Variants in VPS4A observed in about 807,000 individuals in gnomAD.
The protein encoded by VPS4A is vacuolar protein sorting-associated protein 4A.
VPS4A carries 20 observed loss-of-function variants against 52.3 expected under a neutral mutation model. The observed-to-expected ratio is 0.38, with a 90% CI of 0.27 to 0.56. VPS4A has a LOEUF of 0.56. VPS4A is among the 20% of genes least tolerant of loss of function. The probability of loss-of-function intolerance (pLI) is 0.72; values close to 1 mark genes in which losing one functional copy is unlikely to be tolerated. For synonymous variants in VPS4A, 293 were observed against 227.7 expected, an observed-to-expected ratio of 1.29 and a Z score of -2.58; for missense variants, 419 against 575.9, an observed-to-expected ratio of 0.73 and a Z score of 2.79.
At chr16:69,322,407 C>T (rs1229089066) in intron 9 of VPS4A, 153 bp from the exon 10 acceptor site, 21 of 744,318 alleles carry the variant, frequency 2.8e-5, no homozygotes, top group East Asian at 5.8e-5. Flanking sequence ...ATGAGTCGCT[C>T]GGACCACCCA....
In VPS4A at chr16:69,311,905, C is replaced by T. The variant is rs1032778944; in HGVS notation, c.21+373C>T. 5.9e-5 allele frequency among the ~76,000 whole-genome samples: 9 copies of T among 152,094 alleles called. No individual in the cohort carries two copies. In the East Asian group the frequency reaches 1.5e-3, roughly 26 times the overall value. On this transcript the variant is annotated intron_variant, in intron 1 of 10. Coordinates refer to ENST00000254950, the MANE Select transcript of VPS4A (RefSeq NM_013245.3). The stretch of plus-strand genomic sequence containing the variant: ...TCGCTCCCTCCTCTCCTGTCTCGCT[C>T]CCTCCTCTCCTGTCCCGGGTCCTGG...
rs568729737 is a variant in VPS4A, at chr16:69,320,698, T to C, written c.780T>C (p.Asn260=). The C allele has an allele frequency of 3.1e-6, 5 of 1,605,238 alleles. No homozygotes were observed. The African/African-American group carries it at 6.7e-5, about 21-fold the overall frequency. Residue 260 remains asparagine, a synonymous_variant, in exon 8 of 11, where the codon AAT becomes AAC. Coordinates refer to ENST00000254950, the MANE Select transcript of VPS4A (RefSeq NM_013245.3). The surrounding 1 kb of genome is among the most constrained non-coding windows in gnomAD (Gnocchi z 4.2). The part of the protein sequence containing the change: ...EFLVQMQGVG[N]NNDGTLVLGA... ...TCCCTTTCTCCACAGGGGTGGGGAA[T>C]AACAATGATGGGACTCTGGTTCTTG...
In VPS4A at chr16:69,321,123, G is replaced by A. The variant is rs1413506555; in HGVS notation, c.924G>A (p.Gly308=). 6.3e-7 allele frequency: 1 copy of A among 1,594,710 alleles called. No individual in the cohort carries two copies. The highest frequency in any genetic ancestry group is 2.3e-5 in the East Asian group (1 of 43,710). Residue 308 remains glycine (G), a synonymous_variant, in exon 9 of 11, where the codon GGG becomes GGA. Transcript: ENST00000254950. This position sits in a 1 kb window ranked among gnomAD's most constrained non-coding sequence, Gnocchi z 4.5. The part of the protein sequence containing the change: ...ARAQMFRLHL[G]STPHNLTDAN... The stretch of plus-strand genomic sequence containing the variant: ...CCCAGATGTTCCGGTTGCATCTCGG[G>A]AGCACTCCCCACAACCTCACGGATG...
rs1273894687 is a variant in VPS4A at position 69,324,261 on chromosome 16, C to T, written c.1266C>T (p.Asp422=). ...CCCGGCCCACGGTGAATGCAGACGA[C>T]CTCCTGAAAGTGAAGAAATTCTCAG... is the stretch of plus-strand genomic sequence containing the variant. The part of the protein sequence containing the change: ...ATTRPTVNAD[D]LLKVKKFSED... The change falls in exon 11 of 11, where the codon GAC becomes GAT. Residue 422 remains aspartate, a synonymous_variant. Coordinates refer to ENST00000254950, the MANE Select transcript of VPS4A (RefSeq NM_013245.3). The T allele has an allele frequency of 1.2e-6, 2 of 1,613,956 alleles. No homozygotes were observed. The highest frequency in any genetic ancestry group is 2.2e-5 in the South Asian group (2 of 91,038).
At chr16:69,315,546 CA>C (rs1231471585) in intron 1 of VPS4A, among the ~76,000 whole-genome samples, 1 of 152,206 alleles carries the variant, frequency 6.6e-6, no homozygotes, top group Non-Finnish European at 1.5e-5. Context: ...GCAGTCCGGG[CA>C]GGACTTTCCT....
Position 69,322,418 on chromosome 16 carries a change from G to T in VPS4A, c.1072-142G>T. ...AATCATGAGTCGCTCGGACCACCCA[G>T]CCCGAGTTCTGAAGGAGCCCGTCCT... On this transcript the variant is annotated intron_variant, in intron 9 of 10. Transcript: ENST00000254950. 2.3e-6 allele frequency: 2 copies of T among 881,974 alleles called. 1 individual carries two copies. Among genetic ancestry groups the T allele is most frequent in the East Asian group, 5.6e-5 (2 of 35,490 alleles). The allele number at this position is 881,974 out of a possible 1,614,324, so 54.6% of individuals were successfully genotyped here.
At position 69,320,754 on chromosome 16, in the gene VPS4A, C is replaced by T. The variant is rs769562853; in HGVS notation, c.836C>T (p.Ser279Leu). 1.9e-6 allele frequency: 3 copies of T among 1,606,758 alleles called. No individual in the cohort carries two copies. Among genetic ancestry groups the T allele is most frequent in the East Asian group, 2.2e-5 (1 of 44,642 alleles). ...GATNIPWVLD[S>L]AIRRRFEKRI... The stretch of plus-strand genomic sequence containing the variant: ...ACAAACATCCCATGGGTGTTGGATT[C>T]GGCCATCAGGAGGAGGTGAGTCTTC... The change falls in exon 8 of 11, where the codon TCG becomes TTG. Residue 279 changes from serine (S) to leucine (L), a missense_variant. Around this residue, in one of 3 missense-constraint regions of VPS4A, gnomAD observed 103 missense variants for 210.3 expected, o/e 0.49. Transcript: ENST00000254950. This position sits in a 1 kb window ranked among gnomAD's most constrained non-coding sequence, Gnocchi z 4.2.
rs542307409 is a variant in VPS4A, at chr16:69,325,405, C to T, written c.*1096C>T. ...GAGAGTTGCTGGGCGCGGTGGCTCA[C>T]GCCTGTAATCCCAGCACTTTGGGCC... On this transcript the variant is annotated 3_prime_UTR_variant, in exon 11 of 11. Transcript: ENST00000254950. The T allele has an allele frequency of 3.9e-5, 4 of 101,840 alleles. No individual in the cohort carries two copies. The highest frequency in any genetic ancestry group is 1.7e-4 in the African/African-American group (4 of 23,678). 6.3% of individuals were successfully genotyped at this position (101,840 alleles called of 1,614,324 possible).
chr16:69,320,142 C>T lies in VPS4A; in HGVS notation c.622C>T (p.Leu208=). The change falls in exon 7 of 11, where the codon CTG becomes TTG. Residue 208 remains leucine (L), a splice_region_variant and synonymous_variant. Transcript: ENST00000254950. This position sits in a 1 kb window ranked among gnomAD's most constrained non-coding sequence, Gnocchi z 4.2. ...TCACCCCCTTTCTCACCTTCACAGG[C>T]TGGTCAAGAACCTGTTTGAGCTGGC... ...MSKWLGESEK[L]VKNLFELARQ... is the part of the protein sequence containing the mutation. The T allele has an allele frequency of 6.2e-7, 1 of 1,612,472 alleles. No homozygotes were observed. The highest frequency in any genetic ancestry group is 1.1e-5 in the South Asian group (1 of 91,010).
In VPS4A at chr16:69,320,411, G is replaced by A. The variant is rs1965496321; in HGVS notation, c.769+122G>A. 2.1e-6 allele frequency: 3 copies of A among 1,401,798 alleles called. No homozygotes were observed. Among genetic ancestry groups the A allele is most frequent in the South Asian group, 1.4e-5 (1 of 72,560 alleles). 86.8% of individuals were successfully genotyped at this position (1,401,798 alleles called of 1,614,324 possible). A position where few individuals can be genotyped will look rare whatever the true frequency, so the allele number is the denominator to read the frequency against. ...CTCGGAGAGGCACTCCCCAGCTCCA[G>A]CCCCTCAGGGCACGGGTGGACTTCA... On this transcript the variant is annotated intron_variant, in intron 7 of 10. Coordinates refer to ENST00000254950, the MANE Select transcript of VPS4A (RefSeq NM_013245.3). This position sits in a 1 kb window ranked among gnomAD's most constrained non-coding sequence, Gnocchi z 4.2.
Position 69,321,163 on chromosome 16 carries a change from C to G in VPS4A, c.964C>G (p.Leu322Val). 2 of 1,581,552 alleles carry G rather than the reference C, an allele frequency of 1.3e-6. No homozygotes were observed. Among genetic ancestry groups the G allele is most frequent in the Non-Finnish European group, 1.7e-6 (2 of 1,164,324 alleles). Residue 322 changes from leucine (L) to valine (V), a missense_variant, in exon 9 of 11, where the codon CTG becomes GTG. By Grantham distance (32) the Leu-to-Val change is conservative. This residue lies in a region of VPS4A where 185 missense variants were observed against 200.2 expected (regional missense o/e 0.92). Coordinates refer to ENST00000254950, the MANE Select transcript of VPS4A (RefSeq NM_013245.3). This position sits in a 1 kb window ranked among gnomAD's most constrained non-coding sequence, Gnocchi z 4.5. Reference sequence around the variant, plus strand: ...CCTCACGGATGCAAACATCCACGAGCTGGCCCGGAAGACGGAAGGCTACTC... The same window carrying G: ...CCTCACGGATGCAAACATCCACGAGGTGGCCCGGAAGACGGAAGGCTACTC... ...HNLTDANIHE[L>V]ARKTEGYSGA...
At chr16:69,312,988 T>A (rs918039994) in intron 1 of VPS4A, among the ~76,000 whole-genome samples, 1 of 132,484 alleles carries the variant, frequency 7.5e-6, no homozygotes, top group African/African-American at 3.1e-5. Flanking sequence ...TTTTTATTAA[T>A]TTTTTTTTTT....
chr16:69,315,935 T>C (rs74821275), intron 1 of VPS4A, 73 bp from the exon 2 acceptor site: 1 of 1,313,980 alleles, frequency 7.6e-7, no homozygotes, highest in Non-Finnish European at 1.1e-6. Context: ...TCACGTTTCA[T>C]CCCCATGCCT....
At chr16:69,317,136 G>A (rs1282678381) in intron 3 of VPS4A, among the ~76,000 whole-genome samples, 2 of 152,200 alleles carry the variant, frequency 1.3e-5, no homozygotes, top group Non-Finnish European at 2.9e-5. Context: ...GTTCCCATCC[G>A]CAGAGGGAGA....
Position 69,311,447 on chromosome 16 carries a change from C to T in VPS4A, c.-65C>T. 2 of 1,241,120 alleles carry T rather than the reference C, an allele frequency of 1.6e-6. No homozygotes were observed. The highest frequency in any genetic ancestry group is 1.6e-5 in the African/African-American group (1 of 63,800). 76.9% of individuals were successfully genotyped at this position (1,241,120 alleles called of 1,614,324 possible). A position where few individuals can be genotyped will look rare whatever the true frequency, so the allele number is the denominator to read the frequency against. The stretch of plus-strand genomic sequence containing the variant: ...TCCCGCGCCGGACCCAGTACCTCGG[C>T]TCCCCGGGGCCGGACCGAGGCCGCA... On this transcript the variant is annotated 5_prime_UTR_variant, in exon 1 of 11. Transcript: ENST00000254950.
Position 69,319,016 on chromosome 16 carries a change from G to A in VPS4A, c.463+74G>A, listed in dbSNP as rs536723660. On this transcript the variant is annotated intron_variant, in intron 5 of 10. Coordinates refer to ENST00000254950, the MANE Select transcript of VPS4A (RefSeq NM_013245.3). ...GCAGGGCTGGCACTCCGAGGCACCC[G>A]GGAGTCAGTGGCGACTCAGCCCCCG... 2,172 of 1,564,394 alleles carry A rather than the reference G, an allele frequency of 1.4e-3. 5 individuals carry two copies. Among genetic ancestry groups the A allele is most frequent in the Non-Finnish European group, 1.7e-3 (2,007 of 1,159,478 alleles).
In VPS4A at chr16:69,320,929, T is replaced by G. The variant is rs1160692420; in HGVS notation, c.852-122T>G. ...CTTTGTGAGGCTGGCTTGTTGAGGA[T>G]GTGCCGCCAGCATCACTGGCCCATG... is the stretch of plus-strand genomic sequence containing the variant. On this transcript the variant is annotated intron_variant, in intron 8 of 10. Transcript: ENST00000254950. The surrounding 1 kb of genome is among the most constrained non-coding windows in gnomAD (Gnocchi z 4.2). The G allele has an allele frequency of 2.4e-6, 3 of 1,241,096 alleles. No homozygotes were observed. The highest frequency in any genetic ancestry group is 3.0e-5 in the African/African-American group (2 of 66,994). The allele number at this position is 1,241,096 out of a possible 1,614,324, so 76.9% of individuals were successfully genotyped here.
At chr16:69,318,591 G>T in intron 3 of VPS4A, 59 bp from the exon 4 acceptor site, 2 of 1,558,064 alleles carry the variant, frequency 1.3e-6, no homozygotes, top group South Asian at 2.3e-5. Context: ...GACTTGCTGG[G>T]AGCACCTCTG....
At chr16:69,314,957 G>A (rs1347143965) in intron 1 of VPS4A, among the ~76,000 whole-genome samples, 1 of 152,114 alleles carries the variant, frequency 6.6e-6, no homozygotes, top group Non-Finnish European at 1.5e-5. Context: ...TTTACTGACC[G>A]GTCGCGGTGG....
Sources: allele counts gnomAD v4.1 joint callset (sites outside exome capture counted in the v4.1 genomes callset), GRCh38; gene constraint gnomAD v4.1.1; regional missense constraint gnomAD v4.1.1; non-coding constraint Gnocchi (gnomAD v3.1); transcripts MANE v1.5; gene names NCBI Gene and HGNC (gene_info 2026-07-23, HGNC 2026-07-21).